The following ARMC8 variants were observed in gnomAD, a reference collection of about 807,000 sequenced individuals.
The protein encoded by ARMC8 is armadillo repeat containing 8.
A neutral mutation model predicts 99.3 loss-of-function variants in ARMC8; 20 were observed. The observed-to-expected ratio is 0.20, with a 90% CI of 0.14 to 0.29. The LOEUF (loss-of-function observed/expected upper bound fraction) is 0.29, where lower values mean the gene tolerates loss of function less well. Ranked by LOEUF, ARMC8 falls within the 10% of genes least tolerant of loss-of-function variation. The probability of loss-of-function intolerance (pLI) is 1.00; values close to 1 mark genes in which losing one functional copy is unlikely to be tolerated. For synonymous variants in ARMC8, 263 were observed against 278.3 expected (o/e 0.95, Z 0.55); for missense variants, 569 against 809.5 (o/e 0.70, Z 3.60).
intron 21 of ARMC8, among the ~76,000 whole-genome samples, chr3:138,291,598 C>T (rs988543345): frequency 2.0e-5 from 3 of 152,152 alleles, no homozygotes; most frequent in African/African-American, 7.2e-5. Flanking sequence ...AACACAGTAT[C>T]AGGTGATGAG....
At chr3:138,262,812 G>A (rs2047887033) in intron 12 of ARMC8, among the ~76,000 whole-genome samples, 2 of 152,176 alleles carry the variant, frequency 1.3e-5, no homozygotes, top group Non-Finnish European at 2.9e-5. Flanking sequence ...GAACTACCTG[G>A]TGAGTACAAG....
At chr3:138,270,932 C>T (rs1002729385) in intron 16 of ARMC8, among the ~76,000 whole-genome samples, 1 of 152,000 alleles carries the variant, frequency 6.6e-6, no homozygotes, top group Non-Finnish European at 1.5e-5. Context: ...CTAAGCTGGG[C>T]GTTTTATATT....
intron 12 of ARMC8, chr3:138,261,885 C>A (rs1482398290): frequency 6.6e-6 from 1 of 152,086 alleles, no homozygotes; most frequent in African/African-American, 2.4e-5. Flanking sequence ...AATCAAGGTC[C>A]CTACGAAGAT....
intron 10 of ARMC8, 70 bp downstream of exon 10, chr3:138,239,598 C>G: frequency 4.4e-6 from 4 of 902,840 alleles, no homozygotes; most frequent in South Asian, 1.7e-5. Flanking sequence ...TATTGATACT[C>G]ATATTTCATT....
rs534863616 is a variant in ARMC8 at position 138,297,370 on chromosome 3, CTT to C, written c.*1481_*1482del. On this transcript the variant is annotated 3_prime_UTR_variant, in exon 22 of 22. Coordinates refer to ENST00000469044, the MANE Select transcript of ARMC8 (RefSeq NM_001363941.2). ...CTGTTTGAAGGTAGAAGCAGCCTAC[CTT>C]TTCTCTTTGCTAAAAGAAGGTCAAA... 1 of 152,088 alleles carries C rather than the reference CTT, an allele frequency of 6.6e-6. No homozygotes were observed. Among genetic ancestry groups the C allele is most frequent in the Non-Finnish European group, 1.5e-5 (1 of 68,026 alleles). 9.4% of individuals were successfully genotyped at this position (152,088 alleles called of 1,614,324 possible).
rs2051464008 is a variant in ARMC8 at position 138,296,146 on chromosome 3, A to G, written c.*254A>G. 1 of 417,286 alleles carries G rather than the reference A, an allele frequency of 2.4e-6. No homozygotes were observed. 25.8% of individuals were successfully genotyped at this position (417,286 alleles called of 1,614,324 possible). On this transcript the variant is annotated 3_prime_UTR_variant, in exon 22 of 22. Coordinates refer to ENST00000469044, the MANE Select transcript of ARMC8 (RefSeq NM_001363941.2). ...GCTACTCGGACTCTTTATTAGAACA[A>G]TCAATCATTTTCCTTTGGACCTACA...
intron 12 of ARMC8, among the ~76,000 whole-genome samples, chr3:138,255,206 GT>G (rs1319216904): frequency 1.7e-4 from 20 of 115,202 alleles, no homozygotes; most frequent in East Asian, 5.0e-4. Context: ...TTTTTTTTTT[GT>G]TTTTTTTTTT....
chr3:138,290,144 G>C (rs1195530295), intron 20 of ARMC8, among the ~76,000 whole-genome samples: 2 of 152,182 alleles, frequency 1.3e-5, no homozygotes, highest in African/African-American at 2.4e-5. Context: ...CAATAGAAAG[G>C]GGAAGATAAG....
intron 12 of ARMC8, chr3:138,245,742 G>A: frequency 1.0e-6 from 1 of 989,486 alleles, no homozygotes; most frequent in South Asian, 4.6e-5. Flanking sequence ...TGTATGCACT[G>A]GTATAGCACC....
intron 1 of ARMC8, among the ~76,000 whole-genome samples, chr3:138,203,979 C>A (rs533652352): frequency 6.6e-6 from 1 of 152,180 alleles, no homozygotes; most frequent in African/African-American, 2.4e-5. Flanking sequence ...TCTGGCAGTC[C>A]TGGTCCATTT....
intron 12 of ARMC8, among the ~76,000 whole-genome samples, chr3:138,253,165 T>C (rs1445543410): frequency 1.3e-5 from 2 of 152,078 alleles, no homozygotes; most frequent in Non-Finnish European, 2.9e-5. Context: ...AAATATAAAG[T>C]GTTAGGTGGT....
At chr3:138,278,680 C>T (rs1447373068) in intron 18 of ARMC8, among the ~76,000 whole-genome samples, 1 of 152,074 alleles carries the variant, frequency 6.6e-6, no homozygotes, top group African/African-American at 2.4e-5. Flanking sequence ...ATTGAGTCTT[C>T]CAATTCATGA....
At chr3:138,207,404 A>C (rs2044430864) in intron 1 of ARMC8, among the ~76,000 whole-genome samples, 1 of 152,186 alleles carries the variant, frequency 6.6e-6, no homozygotes, top group South Asian at 2.1e-4. Flanking sequence ...TGCTTTCCTC[A>C]GTGCATGTTA....
chr3:138,266,086 T>C (rs2108276677), intron 14 of ARMC8, among the ~76,000 whole-genome samples: 1 of 152,318 alleles, frequency 6.6e-6, no homozygotes, highest in South Asian at 2.1e-4. Context: ...TAACAACTTA[T>C]TTTCAGTGGG....
chr3:138,232,807 A>G (rs1368765931), intron 6 of ARMC8, among the ~76,000 whole-genome samples: 2 of 152,198 alleles, frequency 1.3e-5, no homozygotes, highest in Non-Finnish European at 2.9e-5. Context: ...CATATAATCT[A>G]TTAGGTCACC....
chr3:138,260,759 A>T (rs2047672111), intron 12 of ARMC8, among the ~76,000 whole-genome samples: 1 of 152,160 alleles, frequency 6.6e-6, no homozygotes, highest in Non-Finnish European at 1.5e-5. Context: ...CTTATCTAGA[A>T]ACCTCTTTCA....
At position 138,296,491 on chromosome 3, in the gene ARMC8, T is replaced by C. The variant is rs2051494704; in HGVS notation, c.*599T>C. On this transcript the variant is annotated 3_prime_UTR_variant, in exon 22 of 22. Coordinates refer to ENST00000469044, the MANE Select transcript of ARMC8 (RefSeq NM_001363941.2). ...TTTTGGTCAGATGAATATTTGTAAG[T>C]AAAAAATATATGCATTTCTGAACCT... 1 of 151,798 alleles carries C rather than the reference T, an allele frequency of 6.6e-6. No homozygotes were observed. The highest frequency in any genetic ancestry group is 1.5e-5 in the Non-Finnish European group (1 of 67,994). 9.4% of individuals were successfully genotyped at this position (151,798 alleles called of 1,614,324 possible). A position where few individuals can be genotyped will look rare whatever the true frequency, so the allele number is the denominator to read the frequency against.
intron 18 of ARMC8, among the ~76,000 whole-genome samples, chr3:138,281,810 T>G (rs998455658): frequency 2.0e-5 from 3 of 152,188 alleles, no homozygotes; most frequent in African/African-American, 7.2e-5. Context: ...ATATTCTGTT[T>G]TAGTGGGTAA....
chr3:138,234,987 G>T, intron 6 of ARMC8, 47 bp from the exon 7 acceptor site: 1 of 1,444,042 alleles, frequency 6.9e-7, no homozygotes, highest in South Asian at 1.2e-5. Context: ...TTATTGGAAT[G>T]AGTCATTACT....
Sources: gnomAD v4.1 joint callset for allele counts (sites outside exome capture counted in the v4.1 genomes callset) on GRCh38, gnomAD v4.1.1 for gene constraint, MANE v1.5 for transcripts, NCBI Gene and HGNC (gene_info 2026-07-23, HGNC 2026-07-21) for gene names.